CDKAL1: variants seen among roughly 807,000 people sequenced by gnomAD.
CDKAL1 encodes threonylcarbamoyladenosine tRNA methylthiotransferase.
In CDKAL1, 32 loss-of-function variants were observed where a neutral mutation model predicts 68.2. The observed-to-expected ratio is 0.47, with a 90% CI of 0.35 to 0.63. CDKAL1 has a LOEUF of 0.63. Ranked by LOEUF, CDKAL1 falls within the 30% of genes least tolerant of loss-of-function variation. The pLI is 0.00. For synonymous variants in CDKAL1, 234 were observed against 244.3 expected (o/e 0.96, Z 0.39); for missense variants, 606 against 696.7 (o/e 0.87, Z 1.47).
intron 4 of CDKAL1, among the ~76,000 whole-genome samples, chr6:20,648,464 C>G (rs957938825): frequency 2.2e-5 from 2 of 92,440 alleles, no homozygotes; most frequent in East Asian, 2.0e-4. Context: ...ACCAGAAACT[C>G]TGATGTGCTT....
chr6:20,891,719 G>C (rs1179217838), intron 9 of CDKAL1, among the ~76,000 whole-genome samples: 3 of 151,886 alleles, frequency 2.0e-5, no homozygotes, highest in Admixed American at 6.6e-5. Flanking sequence ...ATTTTTCATA[G>C]AGACAGGGTT....
intron 4 of CDKAL1, among the ~76,000 whole-genome samples, chr6:20,613,985 GTT>G (rs5874774): frequency 6.6e-5 from 10 of 151,702 alleles, no homozygotes; most frequent in Non-Finnish European, 4.4e-5. Context: ...TGTATCATGA[GTT>G]TTTTTTGATC....
chr6:20,923,754 T>C (rs1439005938), intron 9 of CDKAL1, among the ~76,000 whole-genome samples: 2 of 152,338 alleles, frequency 1.3e-5, no homozygotes, highest in South Asian at 4.1e-4. Flanking sequence ...GGCACACGCC[T>C]GTAATCTAGC....
intron 11 of CDKAL1, among the ~76,000 whole-genome samples, chr6:21,022,556 A>C (rs1768725338): frequency 6.6e-6 from 1 of 152,212 alleles, no homozygotes; most frequent in African/African-American, 2.4e-5. Context: ...AGTTTGGGTC[A>C]GCTGGCTTAG....
At chr6:20,924,345 G>A (rs1328913482) in intron 9 of CDKAL1, among the ~76,000 whole-genome samples, 2 of 151,276 alleles carry the variant, frequency 1.3e-5, no homozygotes, top group Middle Eastern at 3.5e-3. Flanking sequence ...CAGCCTGAGC[G>A]ACAGAGTAAG....
intron 11 of CDKAL1, among the ~76,000 whole-genome samples, chr6:21,029,590 A>G (rs1049803789): frequency 6.6e-6 from 1 of 152,206 alleles, no homozygotes; most frequent in Non-Finnish European, 1.5e-5. Context: ...TATCTGGCAA[A>G]GGTGTAATAT....
chr6:21,167,539 G>T (rs1050488679), intron 13 of CDKAL1, among the ~76,000 whole-genome samples: 1 of 152,164 alleles, frequency 6.6e-6, no homozygotes, highest in African/African-American at 2.4e-5. Flanking sequence ...AGGACCTACT[G>T]TGGTCAAGAA....
chr6:20,938,937 C>T (rs1763851142), intron 9 of CDKAL1, among the ~76,000 whole-genome samples: 2 of 152,154 alleles, frequency 1.3e-5, no homozygotes, highest in Non-Finnish European at 2.9e-5. Flanking sequence ...TAGGCTCCTT[C>T]TTCCTTTCAT....
chr6:20,756,785 A>T, intron 6 of CDKAL1: 1 of 149,122 alleles, frequency 6.7e-6, no homozygotes, highest in African/African-American at 2.5e-5. Flanking sequence ...CCAAAGGAAT[A>T]TTTTTAAGAG....
intron 6 of CDKAL1, chr6:20,756,305 C>T (rs2150345635): frequency 6.6e-6 from 1 of 152,316 alleles, no homozygotes; most frequent in African/African-American, 2.4e-5. Context: ...TTCCCTTTCT[C>T]CCCAGCTTTT....
At chr6:20,852,471 T>A (rs1375262618) in intron 9 of CDKAL1, among the ~76,000 whole-genome samples, 1 of 152,222 alleles carries the variant, frequency 6.6e-6, no homozygotes, top group Non-Finnish European at 1.5e-5. Context: ...CTGTTGATTC[T>A]TGCAAAACCC....
rs1776020289 is a variant in CDKAL1, at chr6:21,143,427, A to G, written c.1299+34964A>G. ...CCTTTAATATTAGCATTTCATCACA[A>G]AAGTTCCTTTGTTAATTTTTCTGTT... On this transcript the variant is annotated intron_variant, in intron 13 of 15. Transcript: ENST00000274695. Among the ~76,000 whole-genome samples the G allele has an allele frequency of 3.9e-5, 6 of 152,186 alleles. No homozygotes were observed. The South Asian group carries it at 1.2e-3, about 31-fold the overall frequency.
At chr6:20,950,918 C>T (rs975697307) in intron 9 of CDKAL1, among the ~76,000 whole-genome samples, 7 of 150,118 alleles carry the variant, frequency 4.7e-5, no homozygotes, top group East Asian at 2.0e-4. Flanking sequence ...TACAGTGAGC[C>T]GAGATCGTGC....
intron 10 of CDKAL1, among the ~76,000 whole-genome samples, chr6:20,995,931 C>T (rs1056506100): frequency 1.3e-5 from 2 of 152,198 alleles, no homozygotes; most frequent in African/African-American, 2.4e-5. Context: ...CTGCGGTGTG[C>T]CATAGCCATC....
chr6:20,737,157 T>G (rs1773233549), intron 5 of CDKAL1, among the ~76,000 whole-genome samples: 1 of 152,192 alleles, frequency 6.6e-6, no homozygotes, highest in African/African-American at 2.4e-5. Context: ...TGTGCCTCCA[T>G]CTCCATTTTT....
chr6:20,985,748 AGCT>A (rs1238913815), intron 10 of CDKAL1, among the ~76,000 whole-genome samples: 2 of 151,842 alleles, frequency 1.3e-5, no homozygotes, highest in African/African-American at 2.4e-5. Flanking sequence ...CTCTGCAGTG[AGCT>A]GTGATCATGC....
chr6:20,988,713 G>A (rs149820084), intron 10 of CDKAL1, among the ~76,000 whole-genome samples: 2,783 of 151,922 alleles, frequency 0.018, 82 homozygotes, highest in African/African-American at 0.063. Flanking sequence ...GCAGTGGCAC[G>A]ATCTCAGCTC....
At chr6:21,178,198 T>A (rs1777660705) in intron 13 of CDKAL1, among the ~76,000 whole-genome samples, 1 of 152,102 alleles carries the variant, frequency 6.6e-6, no homozygotes, top group Non-Finnish European at 1.5e-5. Flanking sequence ...AAAAGCCTTA[T>A]CATGGGGAAA....
chr6:20,758,742 T>G, intron 7 of CDKAL1, 99 bp downstream of exon 7: 1 of 870,094 alleles, frequency 1.1e-6, no homozygotes, highest in South Asian at 1.8e-5. Flanking sequence ...TTATAAAAGT[T>G]ATTGTTTTAG....
Sources: allele counts gnomAD v4.1 joint callset (sites outside exome capture counted in the v4.1 genomes callset), GRCh38; gene constraint gnomAD v4.1.1; transcripts MANE v1.5; gene names NCBI Gene and HGNC (gene_info 2026-07-23, HGNC 2026-07-21).